The following BEST3 variants were observed in gnomAD, a reference collection of about 807,000 sequenced individuals.
The protein encoded by BEST3 is bestrophin 3, also known as bestrophin-3.
In BEST3, 50 loss-of-function variants were observed where a neutral mutation model predicts 47.1. The observed-to-expected ratio is 1.06, with a 90% CI of 0.85 to 1.34. BEST3 has a LOEUF of 1.34. Among genes scored for constraint, BEST3 ranks in the 40% most tolerant of loss-of-function variants. The pLI is 0.00. For missense variants in BEST3, 765 were observed against 817.0 expected (o/e 0.94, Z 0.78); for synonymous variants, 282 against 298.8 (o/e 0.94, Z 0.58).
chr12:69,644,542 C>T (rs986676367), intron 9 of BEST3, among the ~76,000 whole-genome samples: 2 of 152,116 alleles, frequency 1.3e-5, no homozygotes, highest in Non-Finnish European at 2.9e-5. Flanking sequence ...GAATAAGTAA[C>T]TCTATTTTAA....
At chr12:69,670,696 C>T (rs1261234146) in intron 9 of BEST3, 3 of 517,652 alleles carry the variant, frequency 5.8e-6, no homozygotes, top group African/African-American at 3.7e-5. Flanking sequence ...CCTCAGGGAA[C>T]TATGAGCCAC....
intron 4 of BEST3, 78 bp downstream of exon 4, chr12:69,693,594 CAT>C (rs1886012497): frequency 2.5e-6 from 3 of 1,199,700 alleles, no homozygotes; most frequent in Non-Finnish European, 3.6e-6. Flanking sequence ...AATAAACAAA[CAT>C]AAAGAATTTT....
At chr12:69,694,282 A>G (rs1176202763) in intron 3 of BEST3, 88 bp downstream of exon 3, 8 of 798,878 alleles carry the variant, frequency 1.0e-5, no homozygotes, top group Non-Finnish European at 1.6e-5. Context: ...CATGCCTCTC[A>G]GCTTGGAAAC....
At chr12:69,652,219 T>C (rs539209272), downstream of BEST3, among the ~76,000 whole-genome samples, 6 of 152,290 alleles carry the variant, frequency 3.9e-5, no homozygotes, top group Admixed American at 2.0e-4. Flanking sequence ...TCTCTGGCTT[T>C]TGGATCACAT....
rs575789869 is a variant in BEST3, at chr12:69,686,343, C to T, written c.481+7331G>A. On this transcript the variant is annotated intron_variant, in intron 4 of 9. Coordinates refer to ENST00000330891, the MANE Select transcript of BEST3 (RefSeq NM_032735.3). The stretch of plus-strand genomic sequence containing the variant: ...TTAAATGATCTGTCTGTGCCAGAAA[C>T]GCAAATGTGGTTCTAACAGTATTAA... Among the ~76,000 whole-genome samples the T allele has an allele frequency of 2.2e-4, 34 of 152,274 alleles. 1 individual carries two copies. Among genetic ancestry groups the T allele is most frequent in the African/African-American group, 6.7e-4 (28 of 41,566 alleles).
chr12:69,684,470 C>T (rs1334940256), intron 4 of BEST3: 1 of 542,430 alleles, frequency 1.8e-6, no homozygotes, highest in African/African-American at 1.9e-5. Flanking sequence ...TACAGTTGCT[C>T]TATTTTTCCT....
chr12:69,655,452 A>T lies in BEST3; in HGVS notation c.1462T>A (p.Ser488Thr). ...TTGATGGGGGAAGTTCTCACACTGGACTGTGGGGTCAGGCTCTGTAAAGTG... is the reference window on the plus strand; with the variant it reads ...TTGATGGGGGAAGTTCTCACACTGGTCTGTGGGGTCAGGCTCTGTAAAGTG... ...TSTLQSLTPQ[S>T]SVRTSPIKMP... Residue 488 changes from serine (S) to threonine (T), a missense_variant, in exon 10 of 10, where the codon TCC becomes ACC. Ser to Thr is a moderately conservative substitution (Grantham distance 58, BLOSUM62 1). Transcript: ENST00000330891. 6.2e-7 allele frequency: 1 copy of T among 1,614,036 alleles called. No homozygotes were observed. Among genetic ancestry groups the T allele is most frequent in the Non-Finnish European group, 8.5e-7 (1 of 1,179,990 alleles).
chr12:69,693,231 TTCTCTC>T (rs948405001), intron 4 of BEST3, among the ~76,000 whole-genome samples: 1 of 150,322 alleles, frequency 6.7e-6, no homozygotes, highest in African/African-American at 2.4e-5. Flanking sequence ...TTCCTTTTCT[TTCTCTC>T]TCTCTCTCTT....
chr12:69,694,947 C>A (rs1298243116), intron 2 of BEST3, among the ~76,000 whole-genome samples: 1 of 151,962 alleles, frequency 6.6e-6, no homozygotes, highest in Non-Finnish European at 1.5e-5. Flanking sequence ...TGTATAATAT[C>A]CCTTCAAGGG....
rs1016549709 is a variant in BEST3 at position 69,653,742 on chromosome 12, C to A, written c.*1165G>T. 1 of 985,308 alleles carries A rather than the reference C, an allele frequency of 1.0e-6. No individual in the cohort carries two copies. The highest frequency in any genetic ancestry group is 1.7e-5 in the African/African-American group (1 of 57,212). 61.0% of individuals were successfully genotyped at this position (985,308 alleles called of 1,614,324 possible). A position where few individuals can be genotyped will look rare whatever the true frequency, so the allele number is the denominator to read the frequency against. On this transcript the variant is annotated 3_prime_UTR_variant, in exon 10 of 10. Coordinates refer to ENST00000330891, the MANE Select transcript of BEST3 (RefSeq NM_032735.3). ...ACGACAAACAGCTGTCCTGAGAGCTCCCTGGGAGGAGTACCAACATCCGAT... is the reference window on the plus strand; with the variant it reads ...ACGACAAACAGCTGTCCTGAGAGCTACCTGGGAGGAGTACCAACATCCGAT...
rs1883292253 is a variant in BEST3 at position 69,653,746 on chromosome 12, GGGA to G, written c.*1158_*1160del. On this transcript the variant is annotated 3_prime_UTR_variant, in exon 10 of 10. Coordinates refer to ENST00000330891, the MANE Select transcript of BEST3 (RefSeq NM_032735.3). ...CAAACAGCTGTCCTGAGAGCTCCCT[GGGA>G]GGAGTACCAACATCCGATCCCCATT... 1.0e-6 allele frequency: 1 copy of G among 985,294 alleles called. No individual in the cohort carries two copies. 61.0% of individuals were successfully genotyped at this position (985,294 alleles called of 1,614,324 possible).
chr12:69,697,134 G>A (rs1474525151), intron 2 of BEST3, among the ~76,000 whole-genome samples: 1 of 152,158 alleles, frequency 6.6e-6, no homozygotes, highest in African/African-American at 2.4e-5. Flanking sequence ...CTTTGCTTTA[G>A]TTGAGGTACT....
rs199507753 is a variant in BEST3 at position 69,655,769 on chromosome 12, T to C, written c.1145A>G (p.Tyr382Cys). 8.7e-6 allele frequency: 14 copies of C among 1,613,276 alleles called. No homozygotes were observed. Among genetic ancestry groups the C allele is most frequent in the East Asian group, 2.2e-5 (1 of 44,854 alleles). ...GGAATGCCGATGGCCATGCTTCTCA[T>C]AATCCCACAGCCACTCCTCGTCAGG... ...DFPDEEWLWD[Y>C]EKHGHRHSMI... Residue 382 changes from tyrosine to cysteine, a missense_variant, in exon 10 of 10, where the codon TAT (tyrosine) becomes TGT (cysteine). By Grantham distance (194) the Tyr-to-Cys change is radical. Transcript: ENST00000330891.
intron 1 of BEST3, among the ~76,000 whole-genome samples, 166 bp downstream of exon 1, chr12:69,699,039 T>C (rs1475911560): frequency 3.3e-5 from 5 of 152,234 alleles, no homozygotes; most frequent in Admixed American, 3.3e-4. Context: ...ACCCATTTCA[T>C]AATTTGTTCT....
At chr12:69,692,834 C>G (rs1402037057) in intron 4 of BEST3, among the ~76,000 whole-genome samples, 1 of 152,162 alleles carries the variant, frequency 6.6e-6, no homozygotes, top group African/African-American at 2.4e-5. Context: ...ATGATCTTGG[C>G]TCACTGCAAC....
Position 69,654,796 on chromosome 12 carries a change from A to G in BEST3, c.*111T>C, listed in dbSNP as rs940262152. 3.3e-5 allele frequency: 49 copies of G among 1,471,330 alleles called. No individual in the cohort carries two copies. The highest frequency in any genetic ancestry group is 4.2e-5 in the Non-Finnish European group (47 of 1,110,988). 91.1% of individuals were successfully genotyped at this position (1,471,330 alleles called of 1,614,324 possible). A position where few individuals can be genotyped will look rare whatever the true frequency, so the allele number is the denominator to read the frequency against. ...AGTTCTAAGTAGCTTATACAGTGTG[A>G]TCATGTTTTTTAAAAAGTCGACCAG... On this transcript the variant is annotated 3_prime_UTR_variant, in exon 10 of 10. Coordinates refer to ENST00000330891, the MANE Select transcript of BEST3 (RefSeq NM_032735.3).
intron 8 of BEST3, among the ~76,000 whole-genome samples, chr12:69,671,957 G>A (rs2135962941): frequency 6.6e-6 from 1 of 152,316 alleles, no homozygotes; most frequent in Middle Eastern, 3.4e-3. Context: ...GGAAGGTGAA[G>A]ATTCCGCTTT....
chr12:69,673,021 G>C (rs1165094021), intron 7 of BEST3, 56 bp from the exon 8 acceptor site: 3 of 1,333,220 alleles, frequency 2.3e-6, no homozygotes, highest in Non-Finnish European at 3.2e-6. Flanking sequence ...ACTCAGAATA[G>C]AGACTGAAGA....
chr12:69,689,452 C>A (rs1885824723), intron 4 of BEST3, among the ~76,000 whole-genome samples: 3 of 152,146 alleles, frequency 2.0e-5, no homozygotes, highest in Admixed American at 6.5e-5. Flanking sequence ...TGGTCTTATA[C>A]TGAATCAAAA....
Sources: gnomAD v4.1 joint callset for allele counts (sites outside exome capture counted in the v4.1 genomes callset) on GRCh38, gnomAD v4.1.1 for gene constraint, MANE v1.5 for transcripts, NCBI Gene and HGNC (gene_info 2026-07-23, HGNC 2026-07-21) for gene names.